SNTG1: variants seen among roughly 807,000 people sequenced by gnomAD.
The protein encoded by SNTG1 is syntrophin gamma 1, also known as gamma-1-syntrophin.
SNTG1 carries 39 observed loss-of-function variants against 74.7 expected under a neutral mutation model. That is an observed-to-expected ratio of 0.52 (90% confidence interval 0.40 to 0.68). The LOEUF is 0.68. Among genes scored for constraint, SNTG1 ranks in the 30% least tolerant of loss-of-function variants. The pLI is 0.00. For missense variants in SNTG1, 685 were observed against 609.5 expected (o/e 1.12, Z -1.30); for synonymous variants, 254 against 217.1 (o/e 1.17, Z -1.49).
At chr8:50,089,147 C>A (rs901276887) in intron 1 of SNTG1, among the ~76,000 whole-genome samples, 3,675 of 151,490 alleles carry the variant, frequency 0.024, 160 homozygotes, top group African/African-American at 0.083. Context: ...CAAAAACAAG[C>A]AATGGGGAAA....
At chr8:50,000,313 T>C (rs1212180290) in intron 1 of SNTG1, among the ~76,000 whole-genome samples, 1 of 152,196 alleles carries the variant, frequency 6.6e-6, no homozygotes, top group Non-Finnish European at 1.5e-5. Context: ...AGCAGAAGTA[T>C]CATCTAGTAT....
At chr8:50,531,456 A>G (rs1177073828) in intron 10 of SNTG1, among the ~76,000 whole-genome samples, 1 of 152,110 alleles carries the variant, frequency 6.6e-6, no homozygotes, top group Non-Finnish European at 1.5e-5. Flanking sequence ...AAACTTAGAT[A>G]TACAACCAAA....
intron 9 of SNTG1, among the ~76,000 whole-genome samples, chr8:50,511,614 G>A (rs1293660215): frequency 6.6e-6 from 1 of 152,072 alleles, no homozygotes; most frequent in Non-Finnish European, 1.5e-5. Context: ...TTCAGTCCAT[G>A]CATATTTAGG....
intron 1 of SNTG1, among the ~76,000 whole-genome samples, chr8:50,097,205 C>T (rs556971579): frequency 9.9e-5 from 15 of 152,066 alleles, no homozygotes; most frequent in South Asian, 4.2e-4. Flanking sequence ...CTCCTGACCT[C>T]GTGATCCGCT....
At chr8:50,225,197 C>T (rs908006202) in intron 2 of SNTG1, among the ~76,000 whole-genome samples, 4 of 152,088 alleles carry the variant, frequency 2.6e-5, no homozygotes, top group Non-Finnish European at 4.4e-5. Context: ...TGGTCTTGAT[C>T]TCCTGACCTC....
intron 2 of SNTG1, among the ~76,000 whole-genome samples, chr8:50,256,130 C>T (rs2086869254): frequency 6.6e-6 from 1 of 152,120 alleles, no homozygotes; most frequent in African/African-American, 2.4e-5. Flanking sequence ...TCTTCACCGA[C>T]ATAGCAGTTA....
chr8:50,318,515 T>G (rs376430884), intron 2 of SNTG1, among the ~76,000 whole-genome samples: 1 of 152,270 alleles, frequency 6.6e-6, no homozygotes, highest in Non-Finnish European at 1.5e-5. Flanking sequence ...AGCAGAGAAC[T>G]AATCTCTCAA....
chr8:50,626,832 GC>G (rs1314927266), intron 13 of SNTG1, among the ~76,000 whole-genome samples: 1 of 152,154 alleles, frequency 6.6e-6, no homozygotes, highest in African/African-American at 2.4e-5. Context: ...CAGTTTTGGG[GC>G]CAGTTTTTGG....
At chr8:50,141,414 C>A (rs2081652911) in intron 1 of SNTG1, among the ~76,000 whole-genome samples, 1 of 152,120 alleles carries the variant, frequency 6.6e-6, no homozygotes, top group Non-Finnish European at 1.5e-5. Flanking sequence ...AATTGTTCCA[C>A]ATCTTGGGTT....
At chr8:50,355,956 G>A (rs984637714) in intron 2 of SNTG1, among the ~76,000 whole-genome samples, 25 of 152,218 alleles carry the variant, frequency 1.6e-4, no homozygotes, top group African/African-American at 4.3e-4. Flanking sequence ...CAGGGAGTTC[G>A]TTCACAACAC....
rs966935563 is a variant in SNTG1, at chr8:50,794,961, T to C, written c.*2132T>C. On this transcript the variant is annotated 3_prime_UTR_variant, in exon 19 of 19. Coordinates refer to ENST00000642720, the MANE Select transcript of SNTG1 (RefSeq NM_018967.5). ...ATTATGAAAATTTAGCCTATGCTCA[T>C]GTGTGTTACGAAGGAAAAGGTGCAC... The C allele has an allele frequency of 1.3e-5, 2 of 152,034 alleles. No individual in the cohort carries two copies. Among genetic ancestry groups the C allele is most frequent in the African/African-American group, 4.8e-5 (2 of 41,428 alleles). 9.4% of individuals were successfully genotyped at this position (152,034 alleles called of 1,614,324 possible). A position where few individuals can be genotyped will look rare whatever the true frequency, so the allele number is the denominator to read the frequency against.
chr8:50,027,338 A>G (rs1585954570), intron 1 of SNTG1, among the ~76,000 whole-genome samples: 2 of 152,100 alleles, frequency 1.3e-5, no homozygotes, highest in South Asian at 4.1e-4. Flanking sequence ...CACCAGCCTT[A>G]TCCAGACACG....
intron 1 of SNTG1, among the ~76,000 whole-genome samples, chr8:50,091,261 T>C (rs557620223): frequency 6.6e-6 from 1 of 152,106 alleles, no homozygotes; most frequent in Non-Finnish European, 1.5e-5. Context: ...CATAACGGTC[T>C]CGAATTTCTC....
At chr8:50,208,377 T>A (rs2084345875) in intron 2 of SNTG1, among the ~76,000 whole-genome samples, 1 of 152,214 alleles carries the variant, frequency 6.6e-6, no homozygotes, top group Non-Finnish European at 1.5e-5. Flanking sequence ...AGACTGGGAT[T>A]GTAACCCTTG....
At chr8:50,673,079 G>T (rs2095292737) in intron 15 of SNTG1, among the ~76,000 whole-genome samples, 1 of 152,160 alleles carries the variant, frequency 6.6e-6, no homozygotes, top group Non-Finnish European at 1.5e-5. Flanking sequence ...GGTTACTGTA[G>T]CCTTGTAGTA....
Position 50,488,595 on chromosome 8 carries a change from G to T in SNTG1, c.364-14183G>T, listed in dbSNP as rs146035941. On this transcript the variant is annotated intron_variant, in intron 8 of 18. Transcript: ENST00000642720. ...GTCTCCCTTTCTGGGCTTGCATATT[G>T]TTTACTTCATGCTCACCTAATGTCT... Among the ~76,000 whole-genome samples the T allele has an allele frequency of 2.5e-3, 380 of 152,110 alleles. 2 individuals are homozygous for T. The highest frequency in any genetic ancestry group is 0.014 in the East Asian group (70 of 5,160).
In SNTG1 at chr8:50,568,227, T is replaced by TTGTG. The variant is rs1554576692; in HGVS notation, c.810+15071_810+15074dup. Among the ~76,000 whole-genome samples the TTGTG allele has an allele frequency of 6.2e-3, 912 of 146,380 alleles. 3 individuals are homozygous for TTGTG. Among genetic ancestry groups the TTGTG allele is most frequent in the Middle Eastern group, 0.032 (9 of 278 alleles). ...CTGAATAGTATTCCATTGTCCATGT[T>TTGTG]TGTGTGTGTGTGTGTGTGTGTGTGT... is the stretch of plus-strand genomic sequence containing the variant. On this transcript the variant is annotated intron_variant, in intron 12 of 18. Transcript: ENST00000642720.
chr8:50,124,999 G>T (rs895098829), intron 1 of SNTG1, among the ~76,000 whole-genome samples: 4 of 141,812 alleles, frequency 2.8e-5, no homozygotes, highest in African/African-American at 1.0e-4. Flanking sequence ...CTATAAGATA[G>T]TTACTTATCT....
chr8:50,330,334 T>A (rs966414585), intron 2 of SNTG1, among the ~76,000 whole-genome samples: 4 of 152,192 alleles, frequency 2.6e-5, no homozygotes, highest in African/African-American at 9.6e-5. Flanking sequence ...CTTGCTGAAC[T>A]GTGAGTCAAT....
Sources: gnomAD v4.1 joint callset for allele counts (sites outside exome capture counted in the v4.1 genomes callset) on GRCh38, gnomAD v4.1.1 for gene constraint, MANE v1.5 for transcripts, NCBI Gene and HGNC (gene_info 2026-07-23, HGNC 2026-07-21) for gene names.